The following NRXN1 variants were observed in gnomAD, a reference collection of about 807,000 sequenced individuals.
NRXN1 encodes neurexin 1.
A neutral mutation model predicts 150.9 loss-of-function variants in NRXN1; 39 were observed. The observed-to-expected ratio is 0.26, with a 90% CI of 0.20 to 0.34. The LOEUF (loss-of-function observed/expected upper bound fraction) is 0.34, where lower values mean the gene tolerates loss of function less well. NRXN1 is among the 10% of genes least tolerant of loss of function. The probability of loss-of-function intolerance (pLI) is 1.00; values close to 1 mark genes in which losing one functional copy is unlikely to be tolerated. For synonymous variants in NRXN1, 924 were observed against 757.0 expected, an observed-to-expected ratio of 1.22 and a Z score of -3.62; for missense variants, 1,815 against 1,949.9, an observed-to-expected ratio of 0.93 and a Z score of 1.30.
At chr2:49,934,567 T>C (rs762596547) in intron 22 of NRXN1, among the ~76,000 whole-genome samples, 4 of 152,170 alleles carry the variant, frequency 2.6e-5, no homozygotes, top group Non-Finnish European at 5.9e-5. Flanking sequence ...GAAAATGCAA[T>C]AGCTAAGGTG....
At chr2:50,106,032 T>C (rs1397455492) in intron 18 of NRXN1, among the ~76,000 whole-genome samples, 2 of 151,988 alleles carry the variant, frequency 1.3e-5, no homozygotes, top group Non-Finnish European at 2.9e-5. Context: ...TTAGAAATGT[T>C]AATGTTAATC....
intron 5 of NRXN1, among the ~76,000 whole-genome samples, chr2:50,723,596 G>T (rs904936926): frequency 6.6e-6 from 1 of 152,202 alleles, no homozygotes; most frequent in African/African-American, 2.4e-5. Context: ...TCAAGAACTG[G>T]AGAAAGATTT....
intron 18 of NRXN1, among the ~76,000 whole-genome samples, chr2:50,132,606 A>G (rs1705698189): frequency 1.3e-5 from 2 of 151,912 alleles, no homozygotes; most frequent in Admixed American, 1.3e-4. Flanking sequence ...CGACCGGCCC[A>G]GCTCTTATCT....
intron 5 of NRXN1, among the ~76,000 whole-genome samples, chr2:50,688,256 T>C (rs1402807719): frequency 6.6e-6 from 1 of 152,208 alleles, no homozygotes; most frequent in Non-Finnish European, 1.5e-5. Context: ...GGTCCCCAAG[T>C]GCTTGTGGCA....
chr2:50,748,060 G>C (rs145030564), intron 5 of NRXN1, among the ~76,000 whole-genome samples: 131 of 152,268 alleles, frequency 8.6e-4, no homozygotes, highest in African/African-American at 3.1e-3. Context: ...ACTTCCCTTA[G>C]TATTCAAAAC....
intron 17 of NRXN1, among the ~76,000 whole-genome samples, chr2:50,366,828 A>G (rs1468359841): frequency 6.6e-6 from 1 of 151,968 alleles, no homozygotes. Context: ...AGGAGCTTAA[A>G]TGTTTGAGGT....
intron 2 of NRXN1, among the ~76,000 whole-genome samples, chr2:50,990,893 A>G (rs550922440): frequency 8.5e-5 from 13 of 152,140 alleles, no homozygotes; most frequent in African/African-American, 3.1e-4. Flanking sequence ...GATAAGTAAC[A>G]ACAGACAGAG....
At chr2:50,981,381 G>A (rs868133973) in intron 2 of NRXN1, among the ~76,000 whole-genome samples, 1 of 144,728 alleles carries the variant, frequency 6.9e-6, no homozygotes, top group Non-Finnish European at 1.5e-5. Context: ...TTACTTGAAC[G>A]CAGGAGGCAG....
At chr2:50,896,454 T>C (rs1681968965) in intron 5 of NRXN1, among the ~76,000 whole-genome samples, 1 of 152,168 alleles carries the variant, frequency 6.6e-6, no homozygotes. Context: ...GTGTATATAT[T>C]AGAAAATGGT....
intron 21 of NRXN1, among the ~76,000 whole-genome samples, chr2:49,994,159 G>A (rs1167835499): frequency 1.3e-5 from 2 of 152,148 alleles, no homozygotes; most frequent in Non-Finnish European, 2.9e-5. Context: ...CCTCCTTAAT[G>A]CCTATGAAGA....
chr2:50,718,095 T>C (rs891686244), intron 5 of NRXN1, among the ~76,000 whole-genome samples: 2 of 152,170 alleles, frequency 1.3e-5, no homozygotes, highest in African/African-American at 2.4e-5. Flanking sequence ...ACGTCAGCAA[T>C]TACCCGATGT....
intron 9 of NRXN1, among the ~76,000 whole-genome samples, chr2:50,539,201 T>G (rs1239552887): frequency 6.6e-6 from 1 of 151,452 alleles, no homozygotes; most frequent in African/African-American, 2.4e-5. Flanking sequence ...ATGCGCATAA[T>G]AATATTACCT....
Position 51,027,984 on chromosome 2 carries a change from C to A in NRXN1, c.290G>T (p.Cys97Phe), listed in dbSNP as rs547546408. The A allele has an allele frequency of 1.2e-6, 2 of 1,601,390 alleles. No individual in the cohort carries two copies. The highest frequency in any genetic ancestry group is 1.7e-6 in the Non-Finnish European group (2 of 1,179,032). The change falls in exon 2 of 23, where the codon TGC becomes TTC. Residue 97 changes from cysteine to phenylalanine, a missense_variant. This residue lies in a region of NRXN1 where 554 missense variants were observed against 478.8 expected (regional missense o/e 1.16). Coordinates refer to ENST00000401669, the MANE Select transcript of NRXN1 (RefSeq NM_001330078.2). ...GGCCAGGAGCGTCGCAGGCTCAGCG[C>A]AGAAGATGGAGAAGCTGAGCTGCAG... ...GRLQLSFSIF[C>F]AEPATLLADT...
At chr2:50,244,484 ACATTATAAGGG>A (rs2066324957) in intron 17 of NRXN1, among the ~76,000 whole-genome samples, 1 of 151,776 alleles carries the variant, frequency 6.6e-6, no homozygotes, top group Non-Finnish European at 1.5e-5. Flanking sequence ...TTTTTTTCTG[ACATTATAAGGG>A]CATTAACTAA....
intron 18 of NRXN1, among the ~76,000 whole-genome samples, chr2:50,163,186 A>ATATAT (rs10671380): frequency 7.0e-6 from 1 of 143,534 alleles, no homozygotes; most frequent in East Asian, 1.9e-4. Context: ...ATATATATAT[A>ATATAT]AAACAATACT....
chr2:50,961,261 G>C (rs1693143631), intron 2 of NRXN1, among the ~76,000 whole-genome samples: 1 of 151,772 alleles, frequency 6.6e-6, no homozygotes, highest in South Asian at 2.1e-4. Flanking sequence ...GGGAAATCTT[G>C]TTAAAATGTA....
At chr2:51,001,233 T>G (rs34518976) in intron 2 of NRXN1, among the ~76,000 whole-genome samples, 4,813 of 21,092 alleles carry the variant, frequency 0.23, 213 homozygotes, top group Admixed American at 0.32. Flanking sequence ...ATTCATGGGG[T>G]TGGGGGGGGG....
intron 17 of NRXN1, among the ~76,000 whole-genome samples, chr2:50,276,401 A>C (rs942090294): frequency 1.3e-5 from 2 of 152,136 alleles, no homozygotes; most frequent in Non-Finnish European, 2.9e-5. Flanking sequence ...TTTCTGCAAA[A>C]ATGAAAATAC....
intron 8 of NRXN1, among the ~76,000 whole-genome samples, chr2:50,596,254 T>C (rs1157006468): frequency 1.3e-5 from 2 of 152,216 alleles, no homozygotes; most frequent in South Asian, 2.1e-4. Flanking sequence ...AAATATTTTT[T>C]TCAAAGATGC....
Sources: allele counts gnomAD v4.1 joint callset (sites outside exome capture counted in the v4.1 genomes callset), GRCh38; gene constraint gnomAD v4.1.1; regional missense constraint gnomAD v4.1.1; transcripts MANE v1.5; gene names NCBI Gene and HGNC (gene_info 2026-07-23, HGNC 2026-07-21).